The following MACO1 variants were observed in gnomAD, a reference collection of about 807,000 sequenced individuals.
MACO1 encodes macoilin.
A neutral mutation model predicts 78.7 loss-of-function variants in MACO1; 14 were observed. The observed-to-expected ratio is 0.18, with a 90% CI of 0.12 to 0.28. The LOEUF is 0.28. MACO1 is among the 10% of genes least tolerant of loss of function. The pLI is 1.00. For synonymous variants in MACO1, 288 were observed against 291.6 expected (o/e 0.99, Z 0.12); for missense variants, 501 against 799.0 (o/e 0.63, Z 4.50).
At chr1:25,494,090 T>C (rs1224857616) in intron 10 of MACO1, among the ~76,000 whole-genome samples, 1 of 152,196 alleles carries the variant, frequency 6.6e-6, no homozygotes, top group African/African-American at 2.4e-5. Context: ...CTCCACCTAA[T>C]TTCTAGAAGA....
chr1:25,495,788 C>G (rs1443701176), intron 10 of MACO1, among the ~76,000 whole-genome samples: 1 of 152,040 alleles, frequency 6.6e-6, no homozygotes, highest in East Asian at 1.9e-4. Context: ...ATAGTGAAAC[C>G]CCGTCTCTAC....
intron 10 of MACO1, among the ~76,000 whole-genome samples, chr1:25,497,493 C>G (rs933976763): frequency 6.6e-6 from 1 of 151,908 alleles, no homozygotes; most frequent in Non-Finnish European, 1.5e-5. Flanking sequence ...GCTAGCTTCA[C>G]AAAGAAAGCA....
chr1:25,470,233 T>C (rs1346885215), intron 6 of MACO1, among the ~76,000 whole-genome samples: 1 of 152,236 alleles, frequency 6.6e-6, no homozygotes, highest in African/African-American at 2.4e-5. Flanking sequence ...ATTTGGGGGC[T>C]AATGCTATTT....
intron 9 of MACO1, among the ~76,000 whole-genome samples, chr1:25,490,802 TCTG>T (rs1005603271): frequency 2.6e-5 from 4 of 152,328 alleles, no homozygotes; most frequent in Non-Finnish European, 5.9e-5. Flanking sequence ...ATATTTCACT[TCTG>T]CTAAAAGATA....
intron 6 of MACO1, among the ~76,000 whole-genome samples, chr1:25,460,691 T>C (rs2043163129): frequency 6.6e-6 from 1 of 152,184 alleles, no homozygotes; most frequent in Admixed American, 6.5e-5. Context: ...CTCTACTATC[T>C]GATCTGCTTT....
At chr1:25,493,048 G>T (rs533233514) in intron 10 of MACO1, among the ~76,000 whole-genome samples, 1 of 152,230 alleles carries the variant, frequency 6.6e-6, no homozygotes, top group Non-Finnish European at 1.5e-5. Flanking sequence ...AACAGGGACT[G>T]ACAGAGTAGT....
intron 6 of MACO1, among the ~76,000 whole-genome samples, chr1:25,464,553 C>T (rs1234913975): frequency 6.6e-6 from 1 of 151,804 alleles, no homozygotes; most frequent in African/African-American, 2.4e-5. Flanking sequence ...CTATGTTGGC[C>T]AGGCTGGTCT....
At chr1:25,465,360 T>C (rs1013938435) in intron 6 of MACO1, among the ~76,000 whole-genome samples, 2 of 152,208 alleles carry the variant, frequency 1.3e-5, no homozygotes, top group African/African-American at 2.4e-5. Context: ...TGTTTAGTTA[T>C]AAGAAACTGC....
intron 1 of MACO1, among the ~76,000 whole-genome samples, chr1:25,442,664 T>C (rs2042982464): frequency 6.6e-6 from 1 of 151,922 alleles, no homozygotes; most frequent in Non-Finnish European, 1.5e-5. Flanking sequence ...TACTGCTAAA[T>C]GGATTGAGGT....
intron 6 of MACO1, among the ~76,000 whole-genome samples, chr1:25,462,962 A>G (rs1296390529): frequency 1.3e-5 from 2 of 152,210 alleles, no homozygotes; most frequent in Middle Eastern, 3.2e-3. Context: ...CATTTACATC[A>G]TATCAATGGC....
At chr1:25,492,808 A>G (rs1199717645) in intron 10 of MACO1, among the ~76,000 whole-genome samples, 2 of 152,216 alleles carry the variant, frequency 1.3e-5, no homozygotes, top group Non-Finnish European at 2.9e-5. Flanking sequence ...AGTACTCTAT[A>G]GAGTACTAAA....
At chr1:25,484,349 A>C in intron 7 of MACO1, 75 bp downstream of exon 7, 1 of 1,465,780 alleles carries the variant, frequency 6.8e-7, no homozygotes, top group Non-Finnish European at 9.1e-7. Flanking sequence ...GGGTTGGAGC[A>C]CAAGATTTAT....
chr1:25,456,773 A>G lies in MACO1; in HGVS notation c.594A>G (p.Gln198=), dbSNP rs759854914. 1.2e-6 allele frequency: 2 copies of G among 1,613,934 alleles called. No individual in the cohort carries two copies. Among genetic ancestry groups the G allele is most frequent in the African/African-American group, 1.3e-5 (1 of 74,934 alleles). The change falls in exon 5 of 11, where the codon CAA becomes CAG. Residue 198 remains glutamine, a synonymous_variant. Coordinates refer to ENST00000374343, the MANE Select transcript of MACO1 (RefSeq NM_018202.6). ...ACGAGTTTTACATGCAACTTCTTCA[A>G]CAAGCTCTCCCTCCAGAGCAACAGA... The part of the protein sequence containing the change: ...KENEFYMQLL[Q]QALPPEQQML...
intron 2 of MACO1, among the ~76,000 whole-genome samples, chr1:25,447,752 T>C (rs895326769): frequency 2.6e-5 from 4 of 152,172 alleles, no homozygotes; most frequent in Non-Finnish European, 5.9e-5. Context: ...AAAGAGCCCT[T>C]GGAGGGATCT....
chr1:25,486,140 C>T (rs1287305735), intron 8 of MACO1, among the ~76,000 whole-genome samples: 2 of 152,132 alleles, frequency 1.3e-5, no homozygotes, highest in Non-Finnish European at 2.9e-5. Context: ...GAAGTTCGTT[C>T]CCTTTAGAGA....
chr1:25,452,698 GTT>G (rs1161208655), intron 3 of MACO1, among the ~76,000 whole-genome samples: 39 of 133,914 alleles, frequency 2.9e-4, no homozygotes, highest in African/African-American at 8.2e-4. Flanking sequence ...ACGGTGAATT[GTT>G]TTTTTTTTTT....
At chr1:25,451,919 G>A (rs2043069967) in intron 3 of MACO1, among the ~76,000 whole-genome samples, 2 of 148,116 alleles carry the variant, frequency 1.4e-5, no homozygotes, top group Admixed American at 1.4e-4. Context: ...GCGACAGAGC[G>A]AGACTCTGTC....
At chr1:25,433,246 G>T (rs1376962000) in intron 1 of MACO1, among the ~76,000 whole-genome samples, 3 of 151,868 alleles carry the variant, frequency 2.0e-5, no homozygotes, top group Admixed American at 6.6e-5. Flanking sequence ...ATATTATGGA[G>T]TATTGGACTG....
At chr1:25,463,896 A>T (rs1243396925) in intron 6 of MACO1, among the ~76,000 whole-genome samples, 1 of 152,230 alleles carries the variant, frequency 6.6e-6, no homozygotes, top group East Asian at 1.9e-4. Flanking sequence ...AGTGGAAGAT[A>T]CAGATTTCTC....
Sources: allele counts gnomAD v4.1 joint callset (sites outside exome capture counted in the v4.1 genomes callset), GRCh38; gene constraint gnomAD v4.1.1; transcripts MANE v1.5; gene names NCBI Gene and HGNC (gene_info 2026-07-23, HGNC 2026-07-21).